Variants in USP45 observed in about 807,000 individuals in gnomAD.
The protein encoded by USP45 is ubiquitin carboxyl-terminal hydrolase 45.
In USP45, 89 loss-of-function variants were observed where a neutral mutation model predicts 95.8. The observed-to-expected ratio is 0.93, with a 90% CI of 0.78 to 1.11. The LOEUF (loss-of-function observed/expected upper bound fraction) is 1.11, where lower values mean the gene tolerates loss of function less well. USP45 is among the 50% of genes least tolerant of loss of function. The probability of loss-of-function intolerance (pLI) is 0.00; values close to 1 mark genes in which losing one functional copy is unlikely to be tolerated. For synonymous variants in USP45, 281 were observed against 316.2 expected (o/e 0.89, Z 1.18); for missense variants, 898 against 942.5 (o/e 0.95, Z 0.62).
chr6:99,490,368 A>G (rs1794903505), intron 5 of USP45, among the ~76,000 whole-genome samples: 1 of 151,328 alleles, frequency 6.6e-6, no homozygotes, highest in Admixed American at 6.6e-5. Context: ...TTAGTAGAGA[A>G]GAGGTTTCAC....
intron 13 of USP45, among the ~76,000 whole-genome samples, chr6:99,451,817 G>A (rs1009297422): frequency 6.6e-6 from 1 of 152,102 alleles, no homozygotes; most frequent in Non-Finnish European, 1.5e-5. Context: ...GCATAGTACT[G>A]GTACCAAAAC....
At chr6:99,464,779 C>G in intron 12 of USP45, 32 bp from the exon 13 acceptor site, 1 of 1,542,800 alleles carries the variant, frequency 6.5e-7, no homozygotes, top group Non-Finnish European at 8.7e-7. Flanking sequence ...AAACCAAAAC[C>G]TCTTTAGTAA....
In USP45 at chr6:99,488,286, G is replaced by A. The variant is rs1253584354; in HGVS notation, c.628C>T (p.Gln210Ter). The A allele has an allele frequency of 6.2e-7, 1 of 1,600,592 alleles. No individual in the cohort carries two copies. Among genetic ancestry groups the A allele is most frequent in the Admixed American group, 1.7e-5 (1 of 57,470 alleles). Residue 210 changes from glutamine to a stop codon, truncating the protein, a stop_gained, in exon 7 of 18, where the codon CAG becomes TAG. Transcript: ENST00000500704. LOFTEE classifies it high-confidence loss of function. Reference protein sequence around the residue: ...FFNAVMQNLAQTYTLTDLMNE... With the variant: ...FFNAVMQNLA Reference sequence around the variant, plus strand: ...ATCAGATCAGTAAGAGTATAAGTCTGTGCCAAGTTCTAAAAGAAAACAAAA... The same window carrying A: ...ATCAGATCAGTAAGAGTATAAGTCTATGCCAAGTTCTAAAAGAAAACAAAA...
chr6:99,471,102 C>T (rs1406919302), intron 9 of USP45, among the ~76,000 whole-genome samples: 1 of 152,154 alleles, frequency 6.6e-6, no homozygotes, highest in Non-Finnish European at 1.5e-5. Context: ...ACATTATTAA[C>T]TTTTAAATAT....
chr6:99,504,625 G>C (rs1432875316), intron 4 of USP45, among the ~76,000 whole-genome samples: 2 of 152,144 alleles, frequency 1.3e-5, no homozygotes, highest in African/African-American at 4.8e-5. Context: ...GAGGGAAAGG[G>C]AAGTGTCAAA....
intron 11 of USP45, among the ~76,000 whole-genome samples, chr6:99,466,051 C>G (rs193258016): frequency 2.7e-4 from 41 of 151,678 alleles, no homozygotes; most frequent in African/African-American, 9.2e-4. Context: ...GAGTCTCGCT[C>G]TGTCACCCAG....
chr6:99,493,519 C>T (rs552919838), intron 5 of USP45, among the ~76,000 whole-genome samples: 10 of 151,760 alleles, frequency 6.6e-5, no homozygotes, highest in African/African-American at 1.7e-4. Context: ...TATTTTGAGA[C>T]GGAGTTTTGC....
rs183643904 is a variant in USP45, at chr6:99,463,787, C to T, written c.1308+817G>A. Among the ~76,000 whole-genome samples, 23 of 102,526 alleles carry T rather than the reference C, an allele frequency of 2.2e-4. No homozygotes were observed. The East Asian group carries it at 7.1e-3, about 32-fold the overall frequency. 67.3% of individuals were successfully genotyped at this position (102,526 alleles called of 152,430 possible). ...AGATCGCGCCACCTGGGCAACAGAG[C>T]GAGACTCCATCTCAAAAAAAAAAAA... On this transcript the variant is annotated intron_variant, in intron 13 of 17. Transcript: ENST00000500704.
chr6:99,435,913 A>G, intron 17 of USP45, 67 bp from the exon 18 acceptor site: 1 of 1,465,172 alleles, frequency 6.8e-7, no homozygotes, highest in Non-Finnish European at 9.2e-7. Flanking sequence ...TAAATTACAA[A>G]CAATAACATA....
At chr6:99,458,845 A>G (rs1249036245) in intron 13 of USP45, among the ~76,000 whole-genome samples, 1 of 152,240 alleles carries the variant, frequency 6.6e-6, no homozygotes, top group Non-Finnish European at 1.5e-5. Context: ...AAAGGCCCAC[A>G]GGTAAGACAA....
At chr6:99,448,204 G>C (rs939296227) in intron 13 of USP45, among the ~76,000 whole-genome samples, 1 of 152,236 alleles carries the variant, frequency 6.6e-6, no homozygotes, top group South Asian at 2.1e-4. Context: ...TGACTTTGAC[G>C]AGTTGAGAGA....
chr6:99,458,538 C>G (rs561378409), intron 13 of USP45, among the ~76,000 whole-genome samples: 7 of 152,268 alleles, frequency 4.6e-5, no homozygotes, highest in Admixed American at 1.3e-4. Flanking sequence ...GAACATGGTC[C>G]TTGTTTAACC....
intron 15 of USP45, among the ~76,000 whole-genome samples, chr6:99,441,605 T>C (rs561092564): frequency 1.3e-5 from 2 of 152,320 alleles, no homozygotes; most frequent in South Asian, 2.1e-4. Context: ...GTTACCAACT[T>C]ACACTCCCAA....
At chr6:99,491,936 T>G (rs548612759) in intron 5 of USP45, among the ~76,000 whole-genome samples, 32 of 150,786 alleles carry the variant, frequency 2.1e-4, no homozygotes, top group Non-Finnish European at 4.2e-4. Context: ...CTATTGGGCC[T>G]GTTTTAAAAA....
intron 13 of USP45, among the ~76,000 whole-genome samples, chr6:99,447,998 G>A (rs1332460242): frequency 1.3e-5 from 2 of 152,154 alleles, no homozygotes; most frequent in Non-Finnish European, 2.9e-5. Context: ...ACTGTTAGAA[G>A]GAAAACTAAC....
At chr6:99,503,932 C>A in intron 4 of USP45, 67 bp from the exon 5 acceptor site, 1 of 1,149,850 alleles carries the variant, frequency 8.7e-7, no homozygotes, top group Non-Finnish European at 1.2e-6. Context: ...CATCAGATAA[C>A]AAAGTTGGTA....
intron 5 of USP45, among the ~76,000 whole-genome samples, chr6:99,502,354 A>T (rs1023322895): frequency 6.6e-6 from 1 of 152,154 alleles, no homozygotes; most frequent in Non-Finnish European, 1.5e-5. Flanking sequence ...TTAGTACAGC[A>T]CTTTCCTGAG....
chr6:99,505,564 C>T (rs977448961), intron 4 of USP45, among the ~76,000 whole-genome samples: 1 of 150,582 alleles, frequency 6.6e-6, no homozygotes. Flanking sequence ...TACTCCCAGC[C>T]CAGGAGGCAG....
chr6:99,476,183 A>G lies in USP45; in HGVS notation c.893T>C (p.Leu298Pro). Residue 298 changes from leucine to proline, a missense_variant, in exon 9 of 18, where the codon CTT becomes CCT. By Grantham distance (98) the Leu-to-Pro change is moderately conservative. Transcript: ENST00000500704. ...DFQQQDSQELLHYLLDAVRTE... is the reference protein window; with the variant it reads ...DFQQQDSQELPHYLLDAVRTE... ...CCTCACTGCATCCAGAAGATAATGA[A>G]GAAGCTCCTGACTGTCCTGTTGCTG... 6.2e-7 allele frequency: 1 copy of G among 1,614,122 alleles called. No homozygotes were observed. Among genetic ancestry groups the G allele is most frequent in the Non-Finnish European group, 8.5e-7 (1 of 1,179,976 alleles).
Sources: gnomAD v4.1 joint callset for allele counts (sites outside exome capture counted in the v4.1 genomes callset) on GRCh38, gnomAD v4.1.1 for gene constraint, MANE v1.5 for transcripts, NCBI Gene and HGNC (gene_info 2026-07-23, HGNC 2026-07-21) for gene names.